The following RAB10 variants were observed in gnomAD, a reference collection of about 807,000 sequenced individuals.
RAB10 encodes RAB10, member RAS oncogene family.
RAB10 carries 5 observed loss-of-function variants against 25.7 expected under a neutral mutation model. That is an observed-to-expected ratio of 0.19 (90% CI 0.10 to 0.41). The LOEUF (loss-of-function observed/expected upper bound fraction) is 0.41. Among genes scored for constraint, RAB10 ranks in the 10% least tolerant of loss-of-function variants. The pLI is 1.00. For missense variants in RAB10, 103 were observed against 245.8 expected, an observed-to-expected ratio of 0.42 and a Z score of 3.89; for synonymous variants, 89 against 86.4, an observed-to-expected ratio of 1.03 and a Z score of -0.16.
At chr2:26,125,748 G>GT (rs1667890837) in intron 3 of RAB10, among the ~76,000 whole-genome samples, 1 of 152,010 alleles carries the variant, frequency 6.6e-6, no homozygotes, top group East Asian at 1.9e-4. Flanking sequence ...AGTTTTAGGT[G>GT]TTTTTTATAT....
At chr2:26,059,693 T>C (rs571270939) in intron 1 of RAB10, among the ~76,000 whole-genome samples, 11 of 152,288 alleles carry the variant, frequency 7.2e-5, no homozygotes, top group African/African-American at 2.6e-4. Context: ...ATAACAGCAC[T>C]ATTCACAATA....
chr2:26,079,358 A>AC (rs1666816195), intron 1 of RAB10, among the ~76,000 whole-genome samples: 2 of 146,630 alleles, frequency 1.4e-5, no homozygotes, highest in Non-Finnish European at 1.5e-5. Context: ...CACACACTAT[A>AC]TACACATACT....
At chr2:26,033,927 C>T (rs1236307217), upstream of RAB10, among the ~76,000 whole-genome samples, 1 of 152,224 alleles carries the variant, frequency 6.6e-6, no homozygotes, top group Non-Finnish European at 1.5e-5. Context: ...TCTCGCCCCT[C>T]CCTTCTCCCC....
At chr2:26,052,757 G>C (rs1178104813) in intron 1 of RAB10, among the ~76,000 whole-genome samples, 1 of 152,012 alleles carries the variant, frequency 6.6e-6, no homozygotes, top group Non-Finnish European at 1.5e-5. Flanking sequence ...ATTTAGCCTG[G>C]TGTTGCTGAG....
chr2:26,053,211 T>C (rs941110439), intron 1 of RAB10, among the ~76,000 whole-genome samples: 3 of 152,194 alleles, frequency 2.0e-5, no homozygotes, highest in East Asian at 1.9e-4. Context: ...GTGAATGATA[T>C]TTTGCTATTG....
intron 1 of RAB10, among the ~76,000 whole-genome samples, chr2:26,044,443 T>C (rs1301403509): frequency 2.0e-5 from 3 of 152,214 alleles, no homozygotes; most frequent in African/African-American, 7.2e-5. Flanking sequence ...AATCACAGAA[T>C]GTTAGTGCAG....
In RAB10 at chr2:26,135,269, C is replaced by T. The variant is rs1487091093; in HGVS notation, c.*248C>T. 1.2e-5 allele frequency: 5 copies of T among 405,520 alleles called. No homozygotes were observed. The highest frequency in any genetic ancestry group is 2.1e-5 in the African/African-American group (1 of 48,738). 25.1% of individuals were successfully genotyped at this position (405,520 alleles called of 1,614,324 possible). A position where few individuals can be genotyped will look rare whatever the true frequency, so the allele number is the denominator to read the frequency against. ...CATTTTTAAATGTACTTGCTCAGCT[C>T]AACTGCATTTCAGTTGTATTATAGT... On this transcript the variant is annotated 3_prime_UTR_variant, in exon 6 of 6. Coordinates refer to ENST00000264710, the MANE Select transcript of RAB10 (RefSeq NM_016131.5).
At chr2:26,087,816 C>CCAGG (rs548786912) in intron 1 of RAB10, among the ~76,000 whole-genome samples, 22 of 152,152 alleles carry the variant, frequency 1.4e-4, no homozygotes, top group Non-Finnish European at 1.9e-4. Flanking sequence ...TCTAACAGTG[C>CCAGG]CAGGCACATT....
chr2:26,056,793 G>T (rs894018633), intron 1 of RAB10, among the ~76,000 whole-genome samples: 16 of 150,996 alleles, frequency 1.1e-4, no homozygotes, highest in Non-Finnish European at 2.9e-5. Context: ...CACCCAGCTA[G>T]ATTTTTTTGT....
At chr2:26,058,783 A>G (rs1315137635) in intron 1 of RAB10, among the ~76,000 whole-genome samples, 2 of 152,152 alleles carry the variant, frequency 1.3e-5, no homozygotes, top group Admixed American at 1.3e-4. Flanking sequence ...CTCAGATAGC[A>G]TTTTGTCAGT....
chr2:26,050,324 A>G (rs1489167848), intron 1 of RAB10, among the ~76,000 whole-genome samples: 1 of 152,174 alleles, frequency 6.6e-6, no homozygotes, highest in South Asian at 2.1e-4. Flanking sequence ...CTAGTTGCTG[A>G]CAGTTCTGAT....
intron 3 of RAB10, among the ~76,000 whole-genome samples, chr2:26,113,013 CGGA>C (rs1559596586): frequency 6.6e-6 from 1 of 151,732 alleles, no homozygotes; most frequent in African/African-American, 2.4e-5. Flanking sequence ...ACCCAGGAGG[CGGA>C]GGAGGTTGCA....
chr2:26,058,150 C>T (rs1317832312), intron 1 of RAB10, among the ~76,000 whole-genome samples: 1 of 152,140 alleles, frequency 6.6e-6, no homozygotes, highest in Non-Finnish European at 1.5e-5. Context: ...GATTAACCTC[C>T]AGAATTTCCC....
intron 1 of RAB10, among the ~76,000 whole-genome samples, chr2:26,084,780 T>TA (rs1248670890): frequency 3.9e-5 from 6 of 152,344 alleles, no homozygotes; most frequent in African/African-American, 1.4e-4. Context: ...ATTCGATACT[T>TA]ATGGTTGCTT....
intron 1 of RAB10, among the ~76,000 whole-genome samples, chr2:26,080,042 G>A (rs1666834250): frequency 6.6e-6 from 1 of 152,184 alleles, no homozygotes; most frequent in Admixed American, 6.5e-5. Flanking sequence ...AATACAGAAT[G>A]ATCCTGGAAC....
chr2:26,045,474 C>T (rs972061894), intron 1 of RAB10, among the ~76,000 whole-genome samples: 4 of 151,822 alleles, frequency 2.6e-5, no homozygotes, highest in African/African-American at 9.7e-5. Context: ...CTCCTGACCT[C>T]ATGATCCGCC....
At chr2:26,084,099 C>G (rs1666926847) in intron 1 of RAB10, among the ~76,000 whole-genome samples, 1 of 152,134 alleles carries the variant, frequency 6.6e-6, no homozygotes, top group Non-Finnish European at 1.5e-5. Context: ...CATGTCAAAT[C>G]CATTGTACTT....
chr2:26,061,061 G>C, intron 1 of RAB10, among the ~76,000 whole-genome samples: 1 of 131,892 alleles, frequency 7.6e-6, no homozygotes, highest in Non-Finnish European at 1.6e-5. Flanking sequence ...CTGATACTCA[G>C]TTGAAAATTT....
intron 1 of RAB10, among the ~76,000 whole-genome samples, chr2:26,049,811 A>G (rs901756865): frequency 6.6e-6 from 1 of 152,200 alleles, no homozygotes; most frequent in Non-Finnish European, 1.5e-5. Context: ...CATTTAGTTA[A>G]GTAGCCTACT....
Sources: gnomAD v4.1 joint callset for allele counts (sites outside exome capture counted in the v4.1 genomes callset) on GRCh38, gnomAD v4.1.1 for gene constraint, MANE v1.5 for transcripts, NCBI Gene and HGNC (gene_info 2026-07-23, HGNC 2026-07-21) for gene names.